Variants in CDH12 observed in about 807,000 individuals in gnomAD.
CDH12 encodes cadherin-12.
In CDH12, 41 loss-of-function variants were observed where a neutral mutation model predicts 74.1. The observed-to-expected ratio is 0.55, with a 90% CI of 0.43 to 0.72. CDH12 has a LOEUF of 0.72. Ranked by LOEUF, CDH12 falls within the 30% of genes least tolerant of loss-of-function variation. The probability of loss-of-function intolerance (pLI) is 0.00; values close to 1 mark genes in which losing one functional copy is unlikely to be tolerated. For synonymous variants in CDH12, 399 were observed against 355.0 expected (o/e 1.12, Z -1.39); for missense variants, 945 against 977.2 (o/e 0.97, Z 0.44).
At chr5:22,790,338 T>C (rs1294673915) in intron 1 of CDH12, among the ~76,000 whole-genome samples, 1 of 152,174 alleles carries the variant, frequency 6.6e-6, no homozygotes, top group Admixed American at 6.6e-5. Flanking sequence ...AATTAACTTT[T>C]CTTAACATTT....
chr5:22,394,698 G>T (rs941629747), intron 3 of CDH12, among the ~76,000 whole-genome samples: 6 of 152,024 alleles, frequency 3.9e-5, no homozygotes. Flanking sequence ...TTTGGAATGG[G>T]GCCATCTATC....
At chr5:22,148,169 A>T (rs1446894215) in intron 4 of CDH12, among the ~76,000 whole-genome samples, 2 of 152,080 alleles carry the variant, frequency 1.3e-5, no homozygotes, top group Non-Finnish European at 2.9e-5. Context: ...GGGGATTTTG[A>T]TGCTTGTTTG....
At chr5:21,796,889 T>A (rs935550970) in intron 10 of CDH12, among the ~76,000 whole-genome samples, 1 of 152,124 alleles carries the variant, frequency 6.6e-6, no homozygotes, top group African/African-American at 2.4e-5. Context: ...CCTACTTCAC[T>A]AATGTTGGAT....
chr5:22,782,870 A>G (rs1747452672), intron 1 of CDH12, among the ~76,000 whole-genome samples: 1 of 152,200 alleles, frequency 6.6e-6, no homozygotes, highest in Non-Finnish European at 1.5e-5. Context: ...AAACAAATCA[A>G]TGATGGAATA....
intron 1 of CDH12, among the ~76,000 whole-genome samples, chr5:22,622,034 T>C (rs892545956): frequency 6.6e-6 from 1 of 152,116 alleles, no homozygotes; most frequent in Non-Finnish European, 1.5e-5. Context: ...TGATACACAT[T>C]TCTTAAGAAA....
intron 5 of CDH12, among the ~76,000 whole-genome samples, chr5:22,057,323 T>C (rs181507047): frequency 2.1e-3 from 327 of 152,294 alleles, no homozygotes; most frequent in Non-Finnish European, 3.5e-3. Context: ...CCTGAAAACA[T>C]TTATATTTTC....
intron 6 of CDH12, among the ~76,000 whole-genome samples, chr5:21,908,044 T>C (rs1334547016): frequency 6.6e-6 from 1 of 152,208 alleles, no homozygotes; most frequent in Non-Finnish European, 1.5e-5. Context: ...AATTTCTTTG[T>C]GCCGCTCTGA....
At chr5:22,806,842 G>A (rs1050644800) in intron 1 of CDH12, among the ~76,000 whole-genome samples, 2 of 151,950 alleles carry the variant, frequency 1.3e-5, no homozygotes, top group Non-Finnish European at 2.9e-5. Flanking sequence ...TTGTAAATTT[G>A]TTTAAGTTAT....
intron 1 of CDH12, among the ~76,000 whole-genome samples, chr5:22,702,874 A>T (rs1742790726): frequency 6.6e-6 from 1 of 152,040 alleles, no homozygotes; most frequent in South Asian, 2.1e-4. Context: ...TTTCCCGAAA[A>T]CCTTACCACT....
chr5:22,552,421 C>T (rs1738614018), intron 1 of CDH12, among the ~76,000 whole-genome samples: 1 of 151,620 alleles, frequency 6.6e-6, no homozygotes, highest in Admixed American at 6.6e-5. Context: ...CTTAACACCC[C>T]CATTTTCTTT....
chr5:21,988,089 A>T (rs1757589461), intron 5 of CDH12, among the ~76,000 whole-genome samples: 1 of 152,206 alleles, frequency 6.6e-6, no homozygotes, highest in African/African-American at 2.4e-5. Context: ...TAAATAGCAG[A>T]GACTAGAATG....
intron 4 of CDH12, among the ~76,000 whole-genome samples, chr5:22,106,101 G>A (rs549337742): frequency 6.6e-6 from 1 of 152,184 alleles, no homozygotes; most frequent in African/African-American, 2.4e-5. Context: ...TGTTAAAGAA[G>A]GAAACCATAG....
intron 6 of CDH12, among the ~76,000 whole-genome samples, chr5:21,906,829 G>C (rs1429953734): frequency 6.6e-6 from 1 of 152,012 alleles, no homozygotes; most frequent in African/African-American, 2.4e-5. Flanking sequence ...AGAAATCAGT[G>C]TTTTTTTAGT....
At chr5:22,563,265 A>C (rs115439195) in intron 1 of CDH12, among the ~76,000 whole-genome samples, 7,040 of 152,078 alleles carry the variant, frequency 0.046, 229 homozygotes, top group Middle Eastern at 0.086. Flanking sequence ...TTTTGATAAA[A>C]GTTATTTTAA....
intron 1 of CDH12, among the ~76,000 whole-genome samples, chr5:22,698,735 A>ATAGT (rs1319796164): frequency 1.4e-4 from 2 of 14,518 alleles, no homozygotes; most frequent in Non-Finnish European, 2.3e-4. Context: ...ATATATATAT[A>ATAGT]GTGTGTGTGT....
At chr5:22,852,619 G>A (rs981494243) in intron 1 of CDH12, among the ~76,000 whole-genome samples, 1 of 152,134 alleles carries the variant, frequency 6.6e-6, no homozygotes, top group African/African-American at 2.4e-5. Context: ...AAATTTCAGC[G>A]TCAGTGGAGA....
At chr5:22,283,205 G>GAT (rs1229134274) in intron 3 of CDH12, among the ~76,000 whole-genome samples, 121 of 107,906 alleles carry the variant, frequency 1.1e-3, no homozygotes, top group African/African-American at 2.9e-3. Flanking sequence ...ACATCTGTGA[G>GAT]ATATATATAT....
rs367544205 is a variant in CDH12, at chr5:21,942,628, G to A, written c.526+32463C>T. Among the ~76,000 whole-genome samples, 8 of 151,912 alleles carry A rather than the reference G, an allele frequency of 5.3e-5. No individual in the cohort carries two copies. The East Asian group carries it at 1.4e-3, about 26-fold the overall frequency. On this transcript the variant is annotated intron_variant, in intron 6 of 14. Coordinates refer to ENST00000382254, the MANE Select transcript of CDH12 (RefSeq NM_004061.5). Reference sequence around the variant, plus strand: ...TACACATGCAGAAATGTATATCTGTGTATGTGTGTGTGTTTATATATGAGT... The same window carrying A: ...TACACATGCAGAAATGTATATCTGTATATGTGTGTGTGTTTATATATGAGT...
At chr5:21,761,674 T>C (rs1192361893) in intron 12 of CDH12, among the ~76,000 whole-genome samples, 1 of 151,972 alleles carries the variant, frequency 6.6e-6, no homozygotes, top group Admixed American at 6.6e-5. Context: ...ATGTTCCTGT[T>C]TATCTGCACA....
Sources: gnomAD v4.1 joint callset for allele counts (sites outside exome capture counted in the v4.1 genomes callset) on GRCh38, gnomAD v4.1.1 for gene constraint, MANE v1.5 for transcripts, NCBI Gene and HGNC (gene_info 2026-07-23, HGNC 2026-07-21) for gene names.